ANXA8: variants seen among roughly 807,000 people sequenced by gnomAD.
ANXA8 encodes the protein annexin A8.
Under a neutral mutation model 26.8 loss-of-function variants are expected in ANXA8, and 9 were observed. The observed-to-expected ratio is 0.34, with a 90% CI of 0.20 to 0.59. The LOEUF (loss-of-function observed/expected upper bound fraction) is 0.59. Ranked by LOEUF, ANXA8 falls within the 20% of genes least tolerant of loss-of-function variation. The probability of loss-of-function intolerance (pLI) is 0.84; values close to 1 mark genes in which losing one functional copy is unlikely to be tolerated. For missense variants in ANXA8, 83 were observed against 238.5 expected (o/e 0.35, Z 4.29); for synonymous variants, 39 against 94.8 (o/e 0.41, Z 3.42).
At chr10:47,951,329 C>T in the ANXA8 span, among the ~76,000 whole-genome samples, 1 of 150,878 alleles carries the variant, frequency 6.6e-6, no homozygotes, top group Non-Finnish European at 1.5e-5. Context: ...TTCCGGGCTC[C>T]AGTGACTTCT....
the ANXA8 span, among the ~76,000 whole-genome samples, chr10:47,696,251 T>G: frequency 6.6e-6 from 1 of 151,642 alleles, no homozygotes; most frequent in Admixed American, 6.6e-5. Context: ...TGCTGTTTTG[T>G]CATTTCGTGC....
At chr10:47,937,930 T>G in the ANXA8 span, among the ~76,000 whole-genome samples, 2 of 123,558 alleles carry the variant, frequency 1.6e-5, no homozygotes, top group African/African-American at 5.9e-5. Context: ...CTACCATTGA[T>G]GGGCATTTAG....
chr10:47,653,025 G>T, the ANXA8 span, among the ~76,000 whole-genome samples: 6 of 151,310 alleles, frequency 4.0e-5, no homozygotes, highest in African/African-American at 1.5e-4. Flanking sequence ...TAGAAAGTCA[G>T]TCAAGCCCGT....
the ANXA8 span, among the ~76,000 whole-genome samples, chr10:47,735,100 T>G: frequency 2.0e-5 from 3 of 150,976 alleles, no homozygotes; most frequent in Non-Finnish European, 4.4e-5. Flanking sequence ...TTTTGTTTTG[T>G]TTTGTTTTGC....
the ANXA8 span, among the ~76,000 whole-genome samples, chr10:47,735,293 C>G: frequency 6.9e-6 from 1 of 144,238 alleles, no homozygotes; most frequent in Admixed American, 7.0e-5. Context: ...CAGGGTCTCC[C>G]TACATTGCCC....
At chr10:47,623,348 G>C in the ANXA8 span, among the ~76,000 whole-genome samples, 2 of 112,512 alleles carry the variant, frequency 1.8e-5, no homozygotes, top group African/African-American at 3.4e-5. Context: ...GGTTAAGGAC[G>C]TACTTTAGGC....
the ANXA8 span, chr10:47,690,080 T>G: frequency 9.4e-7 from 1 of 1,065,268 alleles, no homozygotes; most frequent in Non-Finnish European, 1.3e-6. Flanking sequence ...ATATGTGGAT[T>G]TAAAAGCACA....
At chr10:47,618,816 T>C in the ANXA8 span, among the ~76,000 whole-genome samples, 1 of 112,268 alleles carries the variant, frequency 8.9e-6, no homozygotes, top group Non-Finnish European at 2.0e-5. Context: ...ATGATGAGAA[T>C]CACAAAACCA....
the ANXA8 span, among the ~76,000 whole-genome samples, chr10:47,697,102 G>T: frequency 9.3e-5 from 12 of 128,516 alleles, no homozygotes; most frequent in Non-Finnish European, 2.1e-4. Context: ...GAAATAAAAT[G>T]ACATAAAAAA....
chr10:47,539,244 AAG>A, the ANXA8 span: 3 of 147,664 alleles, frequency 2.0e-5, 1 homozygote, highest in East Asian at 1.1e-3. Flanking sequence ...GTACAGCAAA[AAG>A]AGAAGAAATC....
the ANXA8 span, among the ~76,000 whole-genome samples, chr10:47,693,045 T>A: frequency 6.6e-6 from 1 of 151,802 alleles, no homozygotes; most frequent in Non-Finnish European, 1.5e-5. Context: ...AGAATATGTT[T>A]TCACCGAAGA....
At chr10:47,501,222 A>AT in the ANXA8 span, among the ~76,000 whole-genome samples, 2 of 128,236 alleles carry the variant, frequency 1.6e-5, no homozygotes, top group East Asian at 7.5e-4. Context: ...AATTTTTTGT[A>AT]TTTTTTAGTA....
At chr10:47,698,665 C>T in the ANXA8 span, among the ~76,000 whole-genome samples, 3 of 152,074 alleles carry the variant, frequency 2.0e-5, no homozygotes, top group African/African-American at 7.3e-5. Flanking sequence ...TATGGTGAAA[C>T]CTCATCTCTA....
At chr10:47,957,094 AT>A in the ANXA8 span, among the ~76,000 whole-genome samples, 1 of 150,098 alleles carries the variant, frequency 6.7e-6, no homozygotes, top group Non-Finnish European at 1.5e-5. Context: ...CCAGGCTTTG[AT>A]TGGGTATAAT....
chr10:47,660,499 C>A, the ANXA8 span, among the ~76,000 whole-genome samples: 2 of 151,546 alleles, frequency 1.3e-5, no homozygotes, highest in African/African-American at 2.4e-5. Flanking sequence ...CTCCTAGGTT[C>A]AAGCGATTCT....
the ANXA8 span, among the ~76,000 whole-genome samples, chr10:47,680,441 C>A: frequency 6.6e-6 from 1 of 151,722 alleles, no homozygotes; most frequent in Non-Finnish European, 1.5e-5. Context: ...TCAAGACTAG[C>A]CTGGCCAACA....
the ANXA8 span, chr10:47,973,168 C>T: frequency 6.6e-6 from 1 of 150,490 alleles, no homozygotes; most frequent in Non-Finnish European, 1.5e-5. Context: ...TGCTGCAAGG[C>T]CTAAGATAAT....
chr10:47,488,713 ATTTTTTTTTT>A (rs1160121365), upstream of ANXA8, among the ~76,000 whole-genome samples: 3 of 62,116 alleles, frequency 4.8e-5, no homozygotes, highest in Non-Finnish European at 8.2e-5. Context: ...TACATGTTAA[ATTTTTTTTTT>A]TTTTTTTTTT....
chr10:47,949,463 G>A, the ANXA8 span, among the ~76,000 whole-genome samples: 1 of 149,380 alleles, frequency 6.7e-6, no homozygotes, highest in African/African-American at 2.5e-5. Flanking sequence ...AGTGGACAAA[G>A]GATGAAAAAC....
Sources: allele counts gnomAD v4.1 joint callset (sites outside exome capture counted in the v4.1 genomes callset), GRCh38; gene constraint gnomAD v4.1.1; transcripts MANE v1.5; gene names NCBI Gene and HGNC (gene_info 2026-07-23, HGNC 2026-07-21).